TMEM175: variants seen among roughly 807,000 people sequenced by gnomAD.
TMEM175 encodes endosomal/lysosomal proton channel TMEM175.
Under a neutral mutation model 36.5 loss-of-function variants are expected in TMEM175, and 36 were observed. The ratio of observed to expected loss-of-function variants is 0.99; its 90% confidence interval spans 0.76 to 1.30. The LOEUF (loss-of-function observed/expected upper bound fraction) is 1.30, where lower values mean the gene tolerates loss of function less well. TMEM175 is among the 50% of genes most tolerant of loss of function. The pLI is 0.00. For synonymous variants in TMEM175, 339 were observed against 313.4 expected (o/e 1.08, Z -0.86); for missense variants, 705 against 692.8 (o/e 1.02, Z -0.20).
intron 10 of TMEM175, chr4:956,416 A>G: frequency 7.8e-7 from 1 of 1,284,958 alleles, no homozygotes; most frequent in Non-Finnish European, 1.0e-6. Context: ...GTCTCGTCTC[A>G]GTCGTCACGT....
At chr4:938,960 G>A (rs1307184794) in intron 1 of TMEM175, among the ~76,000 whole-genome samples, 1 of 152,216 alleles carries the variant, frequency 6.6e-6, no homozygotes, top group Non-Finnish European at 1.5e-5. Flanking sequence ...ACAAAATTGT[G>A]TGATTTACAT....
chr4:953,387 A>G (rs754646195), intron 8 of TMEM175, 33 bp downstream of exon 8: 1 of 1,572,580 alleles, frequency 6.4e-7, no homozygotes, highest in South Asian at 1.2e-5. Flanking sequence ...GGGCCCAGGC[A>G]GGAACGGGGG....
intron 1 of TMEM175, among the ~76,000 whole-genome samples, chr4:944,059 A>G (rs1054456811): frequency 6.6e-6 from 1 of 152,200 alleles, no homozygotes; most frequent in African/African-American, 2.4e-5. Flanking sequence ...TCGGGAGGCC[A>G]AGGTAGGTGG....
Position 958,211 on chromosome 4 carries a change from G to T in TMEM175, c.1230G>T (p.Trp410Cys). 6.2e-7 allele frequency: 1 copy of T among 1,602,156 alleles called. No individual in the cohort carries two copies. The change falls in exon 11 of 11, where the codon TGG becomes TGT. Residue 410 changes from tryptophan (W) to cysteine (C), a missense_variant. By Grantham distance (215) the Trp-to-Cys change is radical. Coordinates refer to ENST00000264771, the MANE Select transcript of TMEM175 (RefSeq NM_032326.4). ...HQAETLQPSV[W>C]FGGREHVLMF... ...CGGAGACGCTGCAGCCCTCGGTGTG[G>T]TTTGGCGGCCGGGAGCATGTGCTCA...
chr4:957,906 C>T lies in TMEM175; in HGVS notation c.925C>T (p.Arg309Cys), dbSNP rs199802807. Residue 309 changes from arginine to cysteine, a missense_variant, in exon 11 of 11, where the codon CGC becomes TGC. Transcript: ENST00000264771. ...LVAALSATGP[R>C]FLAYFGSFAT... ...GGCCGCCCTGAGTGCGACCGGGCCG[C>T]GCTTCCTGGCGTACTTCGGCTCCTT... is the stretch of plus-strand genomic sequence containing the variant. 58 of 1,612,886 alleles carry T rather than the reference C, an allele frequency of 3.6e-5. No homozygotes were observed. Among genetic ancestry groups the T allele is most frequent in the African/African-American group, 5.3e-5 (4 of 75,070 alleles).
intron 4 of TMEM175, among the ~76,000 whole-genome samples, chr4:950,881 T>A (rs1577426611): frequency 7.1e-6 from 1 of 140,602 alleles, no homozygotes; most frequent in African/African-American, 2.7e-5. Flanking sequence ...TAGGTGGAGG[T>A]GTGGATGGTG....
chr4:949,898 C>T (rs1052143999), intron 3 of TMEM175, among the ~76,000 whole-genome samples: 2 of 152,130 alleles, frequency 1.3e-5, no homozygotes, highest in African/African-American at 2.4e-5. Context: ...GTCCGCATGC[C>T]GGACGCCTCA....
intron 1 of TMEM175, 74 bp from the exon 2 acceptor site, chr4:947,635 C>A: frequency 8.0e-7 from 1 of 1,243,300 alleles, no homozygotes; most frequent in Non-Finnish European, 1.1e-6. Context: ...CCTGTCCCTG[C>A]ACCAGGGCTG....
intron 8 of TMEM175, 77 bp from the exon 9 acceptor site, chr4:955,328 G>T: frequency 8.5e-7 from 1 of 1,169,904 alleles, no homozygotes; most frequent in Non-Finnish European, 1.3e-6. Context: ...CCCTGCTTTG[G>T]CACACAGCTT....
At chr4:947,980 C>T in intron 2 of TMEM175, 88 bp downstream of exon 2, 2 of 1,611,278 alleles carry the variant, frequency 1.2e-6, no homozygotes, top group Non-Finnish European at 8.5e-7. Context: ...TAGGTCTTGC[C>T]AGCATCCTTG....
At chr4:956,800 C>T (rs1041403333) in intron 10 of TMEM175, 5 of 303,412 alleles carry the variant, frequency 1.6e-5, no homozygotes, top group Non-Finnish European at 2.5e-5. Context: ...GTGTCTTGTT[C>T]CCTCGTCATA....
chr4:948,648 C>T, intron 3 of TMEM175: 1 of 1,239,350 alleles, frequency 8.1e-7, no homozygotes, highest in Non-Finnish European at 1.0e-6. Context: ...GCAGAGTTTC[C>T]ACCTTGACTG....
chr4:954,391 T>C (rs1427457546), intron 8 of TMEM175, among the ~76,000 whole-genome samples: 1 of 152,228 alleles, frequency 6.6e-6, no homozygotes, highest in African/African-American at 2.4e-5. Flanking sequence ...TATCTGCTCA[T>C]GGGGACATCA....
Position 932,702 on chromosome 4 carries a change from A to C in TMEM175, c.-32+162A>C, listed in dbSNP as rs1280365932. Among the ~76,000 whole-genome samples, 1 of 152,108 alleles carries C rather than the reference A, an allele frequency of 6.6e-6. No individual in the cohort carries two copies. The highest frequency in any genetic ancestry group is 2.4e-5 in the African/African-American group (1 of 41,396). Reference sequence around the variant, plus strand: ...GCCGCGTTTGCGAATGGGTTCGCGAATTTTTCTCTCAGTTGGCTAAGGAGC... The same window carrying C: ...GCCGCGTTTGCGAATGGGTTCGCGACTTTTTCTCTCAGTTGGCTAAGGAGC... On this transcript the variant is annotated intron_variant, in intron 1 of 10. Transcript: ENST00000264771. This position sits in a 1 kb window ranked among gnomAD's most constrained non-coding sequence, Gnocchi z 4.0.
chr4:940,225 G>C (rs1727270528), intron 1 of TMEM175, among the ~76,000 whole-genome samples: 1 of 152,180 alleles, frequency 6.6e-6, no homozygotes, highest in Non-Finnish European at 1.5e-5. Flanking sequence ...AAGGCAGTCA[G>C]ATCAACTGAG....
chr4:958,350 T>C lies in TMEM175; in HGVS notation c.1369T>C (p.Cys457Arg). The C allele has an allele frequency of 1.9e-6, 3 of 1,603,968 alleles. No individual in the cohort carries two copies. Among genetic ancestry groups the C allele is most frequent in the South Asian group, 1.1e-5 (1 of 91,082 alleles). ...IFHLMQIAVP[C>R]AFLLLRLLVG... Reference sequence around the variant, plus strand: ...CCACCTCATGCAGATCGCCGTGCCCTGCGCCTTCCTGTTGCTGCGCCTGCT... The same window carrying C: ...CCACCTCATGCAGATCGCCGTGCCCCGCGCCTTCCTGTTGCTGCGCCTGCT... The change falls in exon 11 of 11, where the codon TGC becomes CGC. Residue 457 changes from cysteine to arginine, a missense_variant. Cys to Arg is a radical substitution (Grantham distance 180, BLOSUM62 -3). Coordinates refer to ENST00000264771, the MANE Select transcript of TMEM175 (RefSeq NM_032326.4).
chr4:945,182 C>T lies in TMEM175; in HGVS notation c.-31-2527C>T, dbSNP rs532750388. On this transcript the variant is annotated intron_variant, in intron 1 of 10. Transcript: ENST00000264771. ...GTCATGGCAGTCCCAGTGAGACTGC[C>T]TGGAATGGACCCTTGGAGGGTATGG... Among the ~76,000 whole-genome samples the T allele has an allele frequency of 7.2e-5, 11 of 152,364 alleles. No individual in the cohort carries two copies. The East Asian group carries it at 1.9e-3, about 27-fold the overall frequency.
intron 1 of TMEM175, among the ~76,000 whole-genome samples, chr4:938,808 G>A (rs1384470696): frequency 1.3e-5 from 2 of 152,188 alleles, no homozygotes; most frequent in African/African-American, 4.8e-5. Context: ...ATTCAACAGT[G>A]CAGTTCTCAA....
At chr4:945,059 C>T (rs747427772) in intron 1 of TMEM175, among the ~76,000 whole-genome samples, 1 of 143,226 alleles carries the variant, frequency 7.0e-6, no homozygotes, top group Non-Finnish European at 1.5e-5. Flanking sequence ...GCCGTGATTA[C>T]GCCACTGCCC....
Sources: allele counts gnomAD v4.1 joint callset (sites outside exome capture counted in the v4.1 genomes callset), GRCh38; gene constraint gnomAD v4.1.1; non-coding constraint Gnocchi (gnomAD v3.1); transcripts MANE v1.5; gene names NCBI Gene and HGNC (gene_info 2026-07-23, HGNC 2026-07-21).